SIK3: variants seen among roughly 807,000 people sequenced by gnomAD.
SIK3 encodes serine/threonine-protein kinase SIK3.
In SIK3, 28 loss-of-function variants were observed where a neutral mutation model predicts 144.2. That is an observed-to-expected ratio of 0.19 (90% CI 0.14 to 0.27). The LOEUF is 0.27. Ranked by LOEUF, SIK3 falls within the 10% of genes least tolerant of loss-of-function variation. SIK3 has a pLI of 1.00. For synonymous variants in SIK3, 686 were observed against 676.3 expected, an observed-to-expected ratio of 1.01 and a Z score of -0.22; for missense variants, 1,319 against 1,776.0, an observed-to-expected ratio of 0.74 and a Z score of 4.62.
chr11:117,004,434 T>G (rs1212717688), intron 1 of SIK3, among the ~76,000 whole-genome samples: 1 of 152,050 alleles, frequency 6.6e-6, no homozygotes, highest in Non-Finnish European at 1.5e-5. Flanking sequence ...GAGGATTGCT[T>G]GAGCCCAGAA....
At chr11:116,872,360 GC>G (rs1242509064) in intron 13 of SIK3, among the ~76,000 whole-genome samples, 1 of 152,182 alleles carries the variant, frequency 6.6e-6, no homozygotes, top group Non-Finnish European at 1.5e-5. Context: ...AACCTGTCTT[GC>G]CCATCTCTGA....
chr11:116,970,380 T>C (rs757949418), intron 1 of SIK3, among the ~76,000 whole-genome samples: 1 of 152,224 alleles, frequency 6.6e-6, no homozygotes, highest in Non-Finnish European at 1.5e-5. Context: ...AGTTTTTAAA[T>C]TGACATTTAA....
In SIK3 at chr11:116,896,467, C is replaced by A. The variant is rs1264270731; in HGVS notation, c.742-91G>T. ...TGTGTGTATGCAGATGATGGTGAGT[C>A]ATGCATACGATTATGGAACAAACTT... is the stretch of plus-strand genomic sequence containing the variant. On this transcript the variant is annotated intron_variant, in intron 5 of 24. Transcript: ENST00000445177. 21 of 1,381,464 alleles carry A rather than the reference C, an allele frequency of 1.5e-5. No homozygotes were observed. The Middle Eastern group carries it at 9.2e-4, about 60-fold the overall frequency. The allele number at this position is 1,381,464 out of a possible 1,614,324, so 85.6% of individuals were successfully genotyped here. A position where few individuals can be genotyped will look rare whatever the true frequency, so the allele number is the denominator to read the frequency against.
At chr11:116,948,959 C>T (rs1042157558) in intron 3 of SIK3, among the ~76,000 whole-genome samples, 3 of 152,058 alleles carry the variant, frequency 2.0e-5, no homozygotes, top group Middle Eastern at 3.4e-3. Flanking sequence ...AGGAAACATT[C>T]GGGAAATTCA....
intron 1 of SIK3, among the ~76,000 whole-genome samples, chr11:116,963,049 T>C (rs1949404388): frequency 6.6e-6 from 1 of 152,230 alleles, no homozygotes; most frequent in African/African-American, 2.4e-5. Flanking sequence ...TGACTTGATA[T>C]TGAGAATTGC....
intron 1 of SIK3, among the ~76,000 whole-genome samples, chr11:116,965,756 T>A (rs777593181): frequency 1.2e-3 from 57 of 49,454 alleles, no homozygotes; most frequent in African/African-American, 2.2e-3. Context: ...TATATATATA[T>A]ATATATATAT....
At chr11:116,851,343 A>G (rs1384222541) in intron 21 of SIK3, among the ~76,000 whole-genome samples, 3 of 152,242 alleles carry the variant, frequency 2.0e-5, no homozygotes, top group Non-Finnish European at 4.4e-5. Context: ...TAGCAAACAC[A>G]GCTGTAATGC....
intron 4 of SIK3, among the ~76,000 whole-genome samples, chr11:116,897,933 AG>A (rs1254936558): frequency 6.6e-6 from 1 of 152,082 alleles, no homozygotes; most frequent in Non-Finnish European, 1.5e-5. Context: ...AGACCACATT[AG>A]AATCAGGAAA....
intron 4 of SIK3, among the ~76,000 whole-genome samples, chr11:116,921,657 C>A (rs1160502277): frequency 1.3e-5 from 2 of 152,166 alleles, no homozygotes; most frequent in African/African-American, 4.8e-5. Flanking sequence ...GCATGAGCCA[C>A]CTCTCCCTGT....
In SIK3 at chr11:117,023,619, AAAATATAT is replaced by A. The variant is rs1158589051; in HGVS notation, c.274-66563_274-66556del. ...AAACAAACAAACAAACAAAAAAAAA[AAAATATAT>A]ATATATATATATATATATTGCACAC... On this transcript the variant is annotated intron_variant, in intron 1 of 24. Coordinates refer to ENST00000445177, the MANE Select transcript of SIK3 (RefSeq NM_001366686.3). Among the ~76,000 whole-genome samples the A allele has an allele frequency of 8.9e-4, 89 of 99,808 alleles. 1 individual carries two copies. Among genetic ancestry groups the A allele is most frequent in the African/African-American group, 4.3e-3 (86 of 19,874 alleles). The allele number at this position is 99,808 out of a possible 152,430, so 65.5% of individuals were successfully genotyped here.
At chr11:116,948,122 G>C (rs1672712131) in intron 3 of SIK3, among the ~76,000 whole-genome samples, 1 of 150,802 alleles carries the variant, frequency 6.6e-6, no homozygotes. Context: ...TTTTTTTGTA[G>C]AGATGGTGTT....
chr11:116,910,306 TAGCC>T (rs1335599101), intron 4 of SIK3, among the ~76,000 whole-genome samples: 1 of 151,854 alleles, frequency 6.6e-6, no homozygotes, highest in African/African-American at 2.4e-5. Context: ...TGAAAAAACA[TAGCC>T]AGAAAAGAAG....
In SIK3 at chr11:116,895,784, G is replaced by A. The variant is rs1945366006; in HGVS notation, c.865+469C>T. ...CACAGAAATAGGAAATGAAGCAGTA[G>A]CAAGACTAAGATGCAAAGCCTACTT... On this transcript the variant is annotated intron_variant, in intron 6 of 24. Coordinates refer to ENST00000445177, the MANE Select transcript of SIK3 (RefSeq NM_001366686.3). Among the ~76,000 whole-genome samples the A allele has an allele frequency of 2.0e-5, 3 of 152,144 alleles. No individual in the cohort carries two copies. The South Asian group carries it at 6.2e-4, about 32-fold the overall frequency.
chr11:116,919,459 G>A (rs944367675), intron 4 of SIK3, among the ~76,000 whole-genome samples: 4 of 152,154 alleles, frequency 2.6e-5, no homozygotes, highest in South Asian at 2.1e-4. Context: ...ACAATAACAC[G>A]AGAGTGGAAA....
At chr11:117,098,122 G>T in intron 1 of SIK3, 21 bp downstream of exon 1, 1 of 1,449,418 alleles carries the variant, frequency 6.9e-7, no homozygotes, top group Non-Finnish European at 9.1e-7. Flanking sequence ...TCCGACTGCC[G>T]CCTGGCCCCT....
In SIK3 at chr11:116,859,445, G is replaced by C; in HGVS notation, c.2585C>G (p.Pro862Arg). ...TGGCATGTTGCTGAGCATGTCAACA[G>C]GCTCTTGGACTTGGATGGTGACCTG... ...SQQVTIQVQE[P>R]VDMLSNMPGT... is the part of the protein sequence containing the mutation. Residue 862 changes from proline to arginine, a missense_variant, in exon 20 of 25, where the codon CCT (proline) becomes CGT (arginine). Pro to Arg is a moderately radical substitution (Grantham distance 103). Coordinates refer to ENST00000445177, the MANE Select transcript of SIK3 (RefSeq NM_001366686.3). 1 of 1,614,238 alleles carries C rather than the reference G, an allele frequency of 6.2e-7. No homozygotes were observed. The highest frequency in any genetic ancestry group is 8.5e-7 in the Non-Finnish European group (1 of 1,180,048).
intron 1 of SIK3, among the ~76,000 whole-genome samples, chr11:117,005,321 C>G (rs1951002668): frequency 9.0e-6 from 1 of 111,352 alleles, no homozygotes; most frequent in Non-Finnish European, 1.6e-5. Flanking sequence ...GGTGACAGAG[C>G]GAGACCCCGT....
intron 1 of SIK3, among the ~76,000 whole-genome samples, chr11:117,083,395 T>C (rs964421162): frequency 1.3e-5 from 2 of 152,190 alleles, no homozygotes; most frequent in African/African-American, 2.4e-5. Context: ...AGAATTACCA[T>C]ACACATGTAA....
intron 1 of SIK3, among the ~76,000 whole-genome samples, chr11:117,038,485 T>C (rs1952607250): frequency 6.6e-6 from 1 of 151,112 alleles, no homozygotes; most frequent in South Asian, 2.1e-4. Flanking sequence ...GCCTCCAGAG[T>C]AGCTGGGATT....
Sources: gnomAD v4.1 joint callset for allele counts (sites outside exome capture counted in the v4.1 genomes callset) on GRCh38, gnomAD v4.1.1 for gene constraint, MANE v1.5 for transcripts, NCBI Gene and HGNC (gene_info 2026-07-23, HGNC 2026-07-21) for gene names.